Variants in OSCP1 observed in about 807,000 individuals in gnomAD.
OSCP1 encodes the protein protein OSCP1.
In OSCP1, 35 loss-of-function variants were observed where a neutral mutation model predicts 45.1. That is an observed-to-expected ratio of 0.78 (90% CI 0.59 to 1.03). The LOEUF (loss-of-function observed/expected upper bound fraction) is 1.03. OSCP1 is among the 50% of genes least tolerant of loss of function. The probability of loss-of-function intolerance (pLI) is 0.00; values close to 1 mark genes in which losing one functional copy is unlikely to be tolerated. For synonymous variants in OSCP1, 179 were observed against 180.1 expected (o/e 0.99, Z 0.05); for missense variants, 400 against 470.7 (o/e 0.85, Z 1.39).
chr1:36,444,628 G>A (rs756991111), intron 1 of OSCP1, among the ~76,000 whole-genome samples: 8 of 152,098 alleles, frequency 5.3e-5, no homozygotes, highest in African/African-American at 1.7e-4. Flanking sequence ...AAAAAGAAGC[G>A]AATAATGATG....
chr1:36,442,840 C>A (rs918922029), intron 1 of OSCP1, among the ~76,000 whole-genome samples: 3 of 152,008 alleles, frequency 2.0e-5, no homozygotes, highest in Admixed American at 2.0e-4. Context: ...TTTATATTAT[C>A]CTCATTCTAT....
At chr1:36,429,889 C>T (rs1648247347) in intron 4 of OSCP1, among the ~76,000 whole-genome samples, 1 of 150,512 alleles carries the variant, frequency 6.6e-6, no homozygotes, top group Non-Finnish European at 1.5e-5. Context: ...CAGCTCACTG[C>T]AACCTCTGCC....
chr1:36,427,638 A>AATTTT lies in OSCP1; in HGVS notation c.516+4159_516+4163dup, dbSNP rs1648063083. 4.6e-5 allele frequency among the ~76,000 whole-genome samples: 7 copies of AATTTT among 152,282 alleles called. No homozygotes were observed. The Middle Eastern group carries it at 0.02, about 444-fold the overall frequency. On this transcript the variant is annotated intron_variant, in intron 4 of 9. Coordinates refer to ENST00000235532, the MANE Select transcript of OSCP1 (RefSeq NM_145047.5). Reference sequence around the variant, plus strand: ...AGCTGAAAGCCTTTTCATTATAATGAATTTTATCTTGTCGGAACTGGGAAA... The same window carrying AATTTT: ...AGCTGAAAGCCTTTTCATTATAATGAATTTTATTTTATCTTGTCGGAACTGGGAAA...
At chr1:36,432,006 G>T in intron 3 of OSCP1, 124 bp from the exon 4 acceptor site, 1 of 793,310 alleles carries the variant, frequency 1.3e-6, no homozygotes, top group Non-Finnish European at 2.0e-6. Flanking sequence ...GGGCTGCTGG[G>T]CAGGAGGGGC....
chr1:36,418,139 C>T lies in OSCP1; in HGVS notation c.1140G>A (p.Ter380=). 6.2e-7 allele frequency: 1 copy of T among 1,613,994 alleles called. No individual in the cohort carries two copies. The highest frequency in any genetic ancestry group is 8.5e-7 in the Non-Finnish European group (1 of 1,179,898). Residue 380 remains the stop codon, a stop_retained_variant, in exon 10 of 10, where the codon TAG becomes TAA. Coordinates refer to ENST00000235532, the MANE Select transcript of OSCP1 (RefSeq NM_145047.5). ...DDLLAMMDEL[*] ...GGCAGAGGACGCCTGGTCAGAACAG[C>T]TATAACTCATCCATCATGGCGAGCA...
At chr1:36,428,782 TAAAAATACAA>T (rs1648151469) in intron 4 of OSCP1, among the ~76,000 whole-genome samples, 1 of 151,918 alleles carries the variant, frequency 6.6e-6, no homozygotes, top group South Asian at 2.1e-4. Context: ...CCATCTCTAC[TAAAAATACAA>T]AAATTAGCCA....
rs1649611122 is a variant in OSCP1, at chr1:36,447,398, C to T, written c.112+2860G>A. 6.6e-6 allele frequency among the ~76,000 whole-genome samples: 1 copy of T among 152,202 alleles called. No homozygotes were observed. Among genetic ancestry groups the T allele is most frequent in the African/African-American group, 2.4e-5 (1 of 41,446 alleles). On this transcript the variant is annotated intron_variant, in intron 1 of 9. Transcript: ENST00000235532. This position sits in a 1 kb window ranked among gnomAD's most constrained non-coding sequence, Gnocchi z 4.1. ...CCTCTCCTCCTGACCTACCAACCCC[C>T]ACTAAGATTCTGATATAGTCCCCAA...
At chr1:36,434,991 T>G (rs1467622027) in intron 2 of OSCP1, among the ~76,000 whole-genome samples, 2 of 151,980 alleles carry the variant, frequency 1.3e-5, no homozygotes, top group African/African-American at 2.4e-5. Flanking sequence ...TCACAGCTAG[T>G]AACTGGTAGA....
intron 7 of OSCP1, among the ~76,000 whole-genome samples, chr1:36,420,966 C>A (rs1647584775): frequency 6.6e-6 from 1 of 152,038 alleles, no homozygotes; most frequent in African/African-American, 2.4e-5. Flanking sequence ...TCAGTCCAGT[C>A]TCCTTCCAGA....
intron 5 of OSCP1, among the ~76,000 whole-genome samples, 153 bp from the exon 6 acceptor site, chr1:36,423,049 A>G (rs1415064650): frequency 6.6e-6 from 1 of 152,124 alleles, no homozygotes; most frequent in Non-Finnish European, 1.5e-5. Flanking sequence ...TAATACAATA[A>G]TAATATTTAT....
intron 4 of OSCP1, 32 bp from the exon 5 acceptor site, chr1:36,423,498 T>A: frequency 6.5e-7 from 1 of 1,527,836 alleles, no homozygotes; most frequent in African/African-American, 1.4e-5. Context: ...GTCATTTTTC[T>A]TGGTATATTT....
intron 4 of OSCP1, among the ~76,000 whole-genome samples, chr1:36,427,028 T>G (rs1444569576): frequency 2.1e-5 from 3 of 142,940 alleles, no homozygotes; most frequent in African/African-American, 7.9e-5. Flanking sequence ...TGAGATGGAG[T>G]CTTGCTCTGT....
rs996689503 is a variant in OSCP1, at chr1:36,419,270, A to G, written c.960-216T>C. On this transcript the variant is annotated intron_variant, in intron 8 of 9. Transcript: ENST00000235532. ...TTTGCACATTATAAGCCCTGCCAAGAATGTTTCTTCCCTTCCTCTGCTTGG... is the reference window on the plus strand; with the variant it reads ...TTTGCACATTATAAGCCCTGCCAAGGATGTTTCTTCCCTTCCTCTGCTTGG... The G allele has an allele frequency of 1.2e-4, 68 of 545,688 alleles. No homozygotes were observed. The Middle Eastern group carries it at 1.9e-3, about 16-fold the overall frequency. 33.8% of individuals were successfully genotyped at this position (545,688 alleles called of 1,614,324 possible).
At chr1:36,428,230 A>T in intron 4 of OSCP1, 1 of 1,406,810 alleles carries the variant, frequency 7.1e-7, no homozygotes, top group Non-Finnish European at 9.3e-7. Flanking sequence ...ATTTGGCATC[A>T]GAATTGAAAT....
Position 36,418,053 on chromosome 1 carries a change from A to G in OSCP1, c.*86T>C, listed in dbSNP as rs1647377575. The G allele has an allele frequency of 2.0e-6, 2 of 1,008,558 alleles. No individual in the cohort carries two copies. The highest frequency in any genetic ancestry group is 3.0e-6 in the Non-Finnish European group (2 of 664,350). The allele number at this position is 1,008,558 out of a possible 1,614,324, so 62.5% of individuals were successfully genotyped here. A position where few individuals can be genotyped will look rare whatever the true frequency, so the allele number is the denominator to read the frequency against. On this transcript the variant is annotated 3_prime_UTR_variant, in exon 10 of 10. Coordinates refer to ENST00000235532, the MANE Select transcript of OSCP1 (RefSeq NM_145047.5). ...TGGCTTCACTCAGTAGAAAACTAGCAGCATCATTCTGGGCCATGGGGCATT... is the reference window on the plus strand; with the variant it reads ...TGGCTTCACTCAGTAGAAAACTAGCGGCATCATTCTGGGCCATGGGGCATT...
At chr1:36,432,986 C>G (rs971829147) in intron 2 of OSCP1, among the ~76,000 whole-genome samples, 1 of 152,214 alleles carries the variant, frequency 6.6e-6, no homozygotes, top group African/African-American at 2.4e-5. Context: ...GTTTCTTAAC[C>G]TCTTTGGGCC....
At chr1:36,418,287 A>G in intron 9 of OSCP1, 32 bp from the exon 10 acceptor site, 4 of 1,607,942 alleles carry the variant, frequency 2.5e-6, no homozygotes, top group Non-Finnish European at 3.4e-6. Context: ...AAAGGGCATG[A>G]AGAGGCTGTG....
At chr1:36,446,099 T>C (rs1649515080) in intron 1 of OSCP1, among the ~76,000 whole-genome samples, 1 of 152,082 alleles carries the variant, frequency 6.6e-6, no homozygotes, top group Non-Finnish European at 1.5e-5. Context: ...CTCAGCTCAC[T>C]GCAACCTCTG....
At chr1:36,448,463 G>A (rs772456314) in intron 1 of OSCP1, among the ~76,000 whole-genome samples, 2 of 152,184 alleles carry the variant, frequency 1.3e-5, no homozygotes, top group Admixed American at 1.3e-4. Flanking sequence ...TCTGGTCTAG[G>A]AATTATGGTA....
Sources: allele counts gnomAD v4.1 joint callset (sites outside exome capture counted in the v4.1 genomes callset), GRCh38; gene constraint gnomAD v4.1.1; non-coding constraint Gnocchi (gnomAD v3.1); transcripts MANE v1.5; gene names NCBI Gene and HGNC (gene_info 2026-07-23, HGNC 2026-07-21).